Variants in RARB observed in about 807,000 individuals in gnomAD.
RARB encodes retinoic acid receptor beta.
RARB carries 17 observed loss-of-function variants against 51.9 expected under a neutral mutation model. That is an observed-to-expected ratio of 0.33 (90% CI 0.22 to 0.49). The LOEUF is 0.49. RARB is among the 20% of genes least tolerant of loss of function. The pLI, the probability that RARB is intolerant of heterozygous loss-of-function variation, is 0.99. For synonymous variants in RARB, 215 were observed against 195.4 expected (o/e 1.10, Z -0.84); for missense variants, 369 against 550.8 (o/e 0.67, Z 3.30).
upstream of RARB, among the ~76,000 whole-genome samples, chr3:25,426,615 C>T (rs1230391896): frequency 1.3e-5 from 2 of 152,250 alleles, no homozygotes; most frequent in Non-Finnish European, 2.9e-5. Flanking sequence ...CAGTGCTCTT[C>T]CCTGCATTGG....
chr3:25,576,302 G>T (rs1700926194), intron 4 of RARB, among the ~76,000 whole-genome samples: 1 of 152,196 alleles, frequency 6.6e-6, no homozygotes, highest in Non-Finnish European at 1.5e-5. Flanking sequence ...TGCTGTGTCT[G>T]GCTGGAAGGC....
intron 2 of RARB, among the ~76,000 whole-genome samples, chr3:24,859,747 G>A (rs1324694000): frequency 6.6e-6 from 1 of 152,202 alleles, no homozygotes; most frequent in Non-Finnish European, 1.5e-5. Context: ...GGACTAGACA[G>A]TAAATATTTT....
chr3:24,905,971 T>C (rs771846216), intron 2 of RARB, among the ~76,000 whole-genome samples: 1 of 152,258 alleles, frequency 6.6e-6, no homozygotes. Flanking sequence ...AACTCTTTGA[T>C]ATTGACTTTT....
At chr3:25,294,867 A>G (rs1188444741) in intron 5 of RARB, among the ~76,000 whole-genome samples, 1 of 152,210 alleles carries the variant, frequency 6.6e-6, no homozygotes, top group Non-Finnish European at 1.5e-5. Context: ...ATTTGCTCTC[A>G]GATTCATTCC....
chr3:25,302,157 G>A (rs1362386986), intron 5 of RARB, among the ~76,000 whole-genome samples: 1 of 152,220 alleles, frequency 6.6e-6, no homozygotes. Context: ...GGAGAATTTG[G>A]AAGCCTCCTA....
chr3:25,441,949 TC>T lies in RARB; in HGVS notation c.157+13062del, dbSNP rs1708704880. On this transcript the variant is annotated intron_variant, in intron 1 of 7. Transcript: ENST00000330688. ...TCTAATAAACAACCCTTTAATATAC[TC>T]GATATCAGTGCCCTTCAATAGAACT... Among the ~76,000 whole-genome samples the T allele has an allele frequency of 2.0e-5, 3 of 152,120 alleles. No individual in the cohort carries two copies. In the South Asian group the frequency reaches 6.2e-4, roughly 32 times the overall value.
chr3:25,584,910 C>T (rs1399169031), intron 5 of RARB, among the ~76,000 whole-genome samples: 1 of 152,112 alleles, frequency 6.6e-6, no homozygotes, highest in African/African-American at 2.4e-5. Flanking sequence ...CCCGCCTGGC[C>T]TGCCCCTACT....
chr3:24,880,410 G>A (rs1261368329), intron 2 of RARB, among the ~76,000 whole-genome samples: 2 of 151,988 alleles, frequency 1.3e-5, no homozygotes, highest in African/African-American at 2.4e-5. Flanking sequence ...AGAAGATAAA[G>A]CCTCCATAAA....
At chr3:25,111,819 C>T (rs182597342) in intron 3 of RARB, among the ~76,000 whole-genome samples, 132 of 152,060 alleles carry the variant, frequency 8.7e-4, no homozygotes, top group African/African-American at 2.9e-3. Flanking sequence ...CCTTGTGATC[C>T]GCCTGCCTCA....
At chr3:25,580,469 T>C in intron 4 of RARB, 77 bp from the exon 5 acceptor site, 1 of 1,352,532 alleles carries the variant, frequency 7.4e-7, no homozygotes, top group Non-Finnish European at 1.0e-6. Context: ...CCCCTCTAAT[T>C]GGAAACACAT....
At chr3:25,242,505 G>C (rs1702457835) in intron 5 of RARB, among the ~76,000 whole-genome samples, 1 of 152,148 alleles carries the variant, frequency 6.6e-6, no homozygotes, top group South Asian at 2.1e-4. Context: ...AAGGGGTCCA[G>C]TCTCAGTTTT....
chr3:25,451,236 G>C (rs1362736041), intron 1 of RARB, among the ~76,000 whole-genome samples: 1 of 152,220 alleles, frequency 6.6e-6, no homozygotes, highest in Non-Finnish European at 1.5e-5. Flanking sequence ...AATTGCAAAC[G>C]TTGTCTCTGG....
At chr3:25,209,690 C>G (rs1396427082) in intron 5 of RARB, among the ~76,000 whole-genome samples, 1 of 152,158 alleles carries the variant, frequency 6.6e-6, no homozygotes, top group African/African-American at 2.4e-5. Context: ...TCTCCTCCAT[C>G]CCTAGCTCTC....
intron 5 of RARB, among the ~76,000 whole-genome samples, chr3:25,334,435 A>G (rs1270338422): frequency 6.6e-6 from 1 of 152,204 alleles, no homozygotes; most frequent in Non-Finnish European, 1.5e-5. Context: ...AAGGACAGAA[A>G]AGCAAACACC....
chr3:24,879,392 G>A (rs1390384015), intron 2 of RARB, among the ~76,000 whole-genome samples: 2 of 150,786 alleles, frequency 1.3e-5, no homozygotes, highest in African/African-American at 2.4e-5. Context: ...TCGCATCACT[G>A]CATTCCAGCC....
intron 1 of RARB, among the ~76,000 whole-genome samples, chr3:25,440,452 T>TAA (rs556626025): frequency 4.8e-5 from 6 of 125,996 alleles, no homozygotes; most frequent in Non-Finnish European, 8.6e-5. Context: ...GTCTAAAAAA[T>TAA]AAAAAAAAAA....
At chr3:25,385,275 C>A (rs186898722) in intron 5 of RARB, among the ~76,000 whole-genome samples, 47 of 152,254 alleles carry the variant, frequency 3.1e-4, no homozygotes, top group African/African-American at 1.0e-3. Context: ...AATACAGCCC[C>A]CTTTGTGTCC....
At chr3:25,186,438 C>A (rs1700975875) in intron 5 of RARB, among the ~76,000 whole-genome samples, 1 of 152,000 alleles carries the variant, frequency 6.6e-6, no homozygotes, top group Non-Finnish European at 1.5e-5. Context: ...AACAATTTTA[C>A]CTCTATGTAT....
intron 5 of RARB, among the ~76,000 whole-genome samples, chr3:25,206,222 T>A (rs535375212): frequency 6.6e-6 from 1 of 152,370 alleles, no homozygotes; most frequent in South Asian, 2.1e-4. Context: ...CCTCCTTGGT[T>A]CTGGTTGCCC....
Sources: gnomAD v4.1 joint callset for allele counts (sites outside exome capture counted in the v4.1 genomes callset) on GRCh38, gnomAD v4.1.1 for gene constraint, MANE v1.5 for transcripts, NCBI Gene and HGNC (gene_info 2026-07-23, HGNC 2026-07-21) for gene names.